JAKMIP3: variants seen among roughly 807,000 people sequenced by gnomAD.
JAKMIP3 encodes the protein janus kinase and microtubule-interacting protein 3.
In JAKMIP3, 58 loss-of-function variants were observed where a neutral mutation model predicts 118.5. The ratio of observed to expected loss-of-function variants is 0.49; its 90% CI spans 0.40 to 0.61. The LOEUF is 0.61. Among genes scored for constraint, JAKMIP3 ranks in the 20% least tolerant of loss-of-function variants. JAKMIP3 has a pLI of 0.00. For synonymous variants in JAKMIP3, 486 were observed against 451.2 expected (o/e 1.08, Z -0.98); for missense variants, 950 against 1,109.0 (o/e 0.86, Z 2.04).
intron 11 of JAKMIP3, among the ~76,000 whole-genome samples, chr10:132,143,148 G>T (rs11146211): frequency 0.2 from 30,429 of 149,778 alleles, 3,202 homozygotes; most frequent in East Asian, 0.31. Flanking sequence ...GAGTCGGGGT[G>T]GGGGGGGCTG....
chr10:132,177,940 G>A (rs2060336363), intron 23 of JAKMIP3, among the ~76,000 whole-genome samples: 1 of 146,874 alleles, frequency 6.8e-6, no homozygotes, highest in Non-Finnish European at 1.5e-5. Flanking sequence ...ACCTGCTCCT[G>A]TGCCCTGGGT....
chr10:132,167,884 G>GCCCCTC (rs11283202), intron 22 of JAKMIP3, 69 bp from the exon 23 acceptor site: 50 of 1,152,550 alleles, frequency 4.3e-5, no homozygotes, highest in East Asian at 4.3e-4. Context: ...CTCGCCCCTC[G>GCCCCTC]GCCCTCGCCC....
chr10:132,126,814 T>G (rs1256977749), intron 3 of JAKMIP3, among the ~76,000 whole-genome samples: 1 of 152,228 alleles, frequency 6.6e-6, no homozygotes, highest in Non-Finnish European at 1.5e-5. Context: ...AAAATAAGCA[T>G]TGTATTTTTG....
In JAKMIP3 at chr10:132,117,610, TGCAGGGGCGGGCGTGGGCGAGG is replaced by T; in HGVS notation, c.633+38_633+59del. On this transcript the variant is annotated intron_variant, in intron 3 of 23. Coordinates refer to ENST00000684848, the MANE Select transcript of JAKMIP3 (RefSeq NM_001323087.2). The surrounding 1 kb of genome is among the most constrained non-coding windows in gnomAD (Gnocchi z 8.6). ...AGGCAGGGGCGGGCGTGGGCGAGGG[TGCAGGGGCGGGCGTGGGCGAGG>T]GTGCAGGGGCGGGCGTGGGCGAGGG... The T allele has an allele frequency of 1.8e-6, 1 of 549,724 alleles. No homozygotes were observed. 34.1% of individuals were successfully genotyped at this position (549,724 alleles called of 1,614,324 possible).
chr10:132,083,489 C>T (rs1212828462), intron 1 of JAKMIP3, among the ~76,000 whole-genome samples: 1 of 152,164 alleles, frequency 6.6e-6, no homozygotes, highest in Non-Finnish European at 1.5e-5. Context: ...GTTGTCTCTT[C>T]ACTCTACTGA....
At chr10:132,100,575 CTAG>C (rs1208879684) in intron 1 of JAKMIP3, among the ~76,000 whole-genome samples, 2 of 151,854 alleles carry the variant, frequency 1.3e-5, no homozygotes, top group African/African-American at 4.8e-5. Flanking sequence ...CTCATGAAAC[CTAG>C]CAGCCACCCC....
At chr10:132,083,442 A>T (rs1031098581) in intron 1 of JAKMIP3, among the ~76,000 whole-genome samples, 1 of 152,082 alleles carries the variant, frequency 6.6e-6, no homozygotes, top group Non-Finnish European at 1.5e-5. Context: ...CCTTTGTCAG[A>T]TGTATAGATA....
At chr10:132,148,105 C>A in intron 14 of JAKMIP3, 55 bp downstream of exon 14, 3 of 1,092,216 alleles carry the variant, frequency 2.7e-6, no homozygotes, top group Non-Finnish European at 4.1e-6. Context: ...GGATCTAGTC[C>A]TCAGCCTTCC....
intron 3 of JAKMIP3, among the ~76,000 whole-genome samples, chr10:132,120,950 C>T (rs188815889): frequency 1.1e-4 from 16 of 152,322 alleles, no homozygotes; most frequent in African/African-American, 1.9e-4. Context: ...GCGGGGGCAG[C>T]GGCACAGCGT....
intron 1 of JAKMIP3, among the ~76,000 whole-genome samples, chr10:132,081,807 C>T (rs964869979): frequency 6.6e-6 from 1 of 151,992 alleles, no homozygotes; most frequent in African/African-American, 2.4e-5. Context: ...ACGGGAGCAG[C>T]AGTGCACAGA....
chr10:132,103,566 AG>A (rs2045438682), intron 1 of JAKMIP3, among the ~76,000 whole-genome samples: 1 of 151,834 alleles, frequency 6.6e-6, no homozygotes, highest in Non-Finnish European at 1.5e-5. Flanking sequence ...GCAGCACAGA[AG>A]GAAAGTGTGA....
At chr10:132,079,672 A>G (rs1243667466) in intron 1 of JAKMIP3, among the ~76,000 whole-genome samples, 1 of 152,238 alleles carries the variant, frequency 6.6e-6, no homozygotes, top group East Asian at 1.9e-4. Context: ...TATTCACATT[A>G]TTGTGAAACC....
Position 132,117,638 on chromosome 10 carries a change from GGGGCGGGCGTGGGCGAGGGTGCA to G in JAKMIP3, c.633+67_633+89del, listed in dbSNP as rs1564919643. On this transcript the variant is annotated intron_variant, in intron 3 of 23. Coordinates refer to ENST00000684848, the MANE Select transcript of JAKMIP3 (RefSeq NM_001323087.2). The surrounding 1 kb of genome is among the most constrained non-coding windows in gnomAD (Gnocchi z 8.6). ...AGGGGCGGGCGTGGGCGAGGGTGCA[GGGGCGGGCGTGGGCGAGGGTGCA>G]GGCGTGGGCTCGGGGAGCACGCGGG... 8.8e-6 allele frequency: 12 copies of G among 1,360,524 alleles called. No homozygotes were observed. In the African/African-American group the frequency reaches 1.2e-4, roughly 13 times the overall value. The allele number at this position is 1,360,524 out of a possible 1,614,324, so 84.3% of individuals were successfully genotyped here. A position where few individuals can be genotyped will look rare whatever the true frequency, so the allele number is the denominator to read the frequency against.
In JAKMIP3 at chr10:132,179,910, T is replaced by TC. The variant is rs1189710891; in HGVS notation, c.*1104-2442dup. 6.6e-6 allele frequency among the ~76,000 whole-genome samples: 1 copy of TC among 151,748 alleles called. No individual in the cohort carries two copies. Among genetic ancestry groups the TC allele is most frequent in the Non-Finnish European group, 1.5e-5 (1 of 67,964 alleles). On this transcript the variant is annotated intron_variant, in intron 23 of 23. Coordinates refer to ENST00000684848, the MANE Select transcript of JAKMIP3 (RefSeq NM_001323087.2). The surrounding 1 kb of genome is among the most constrained non-coding windows in gnomAD (Gnocchi z 4.3). ...TGTGCTCTCTCCCCTCCCATGCTCT[T>TC]CCCCCTGTGAGGTGCACACGGGGCA...
At chr10:132,150,112 G>A (rs952178796) in intron 16 of JAKMIP3, 71 bp downstream of exon 16, 2 of 1,296,216 alleles carry the variant, frequency 1.5e-6, no homozygotes, top group Non-Finnish European at 2.2e-6. Context: ...CTGGGGTCCA[G>A]GAGGCCCTGC....
chr10:132,060,315 G>A (rs900813605), upstream of JAKMIP3, among the ~76,000 whole-genome samples: 5 of 152,322 alleles, frequency 3.3e-5, no homozygotes, highest in East Asian at 5.8e-4. Context: ...GGGCCAGGCA[G>A]GTTCTGGTGG....
chr10:132,167,144 C>A, intron 22 of JAKMIP3, 89 bp downstream of exon 22: 1 of 899,236 alleles, frequency 1.1e-6, no homozygotes, highest in Non-Finnish European at 1.7e-6. Context: ...GAGTTGCCCA[C>A]CTGCCATTCG....
chr10:132,177,730 TGTGTGTGCACACTGCATTTGGTG>T, intron 23 of JAKMIP3, among the ~76,000 whole-genome samples: 1 of 148,000 alleles, frequency 6.8e-6, no homozygotes. Flanking sequence ...GGGTAGTGTG[TGTGTGTGCACACTGCATTTGGTG>T]GTGTGTGTGC....
chr10:132,066,807 A>G (rs1403985296), intron 1 of JAKMIP3, among the ~76,000 whole-genome samples: 2 of 152,170 alleles, frequency 1.3e-5, no homozygotes, highest in Non-Finnish European at 2.9e-5. Flanking sequence ...TGGGACTGGC[A>G]GGGCTGCGGT....
Sources: gnomAD v4.1 joint callset for allele counts (sites outside exome capture counted in the v4.1 genomes callset) on GRCh38, gnomAD v4.1.1 for gene constraint, Gnocchi (gnomAD v3.1) non-coding constraint, MANE v1.5 for transcripts, NCBI Gene and HGNC (gene_info 2026-07-23, HGNC 2026-07-21) for gene names.